Variants in RIMS1 observed in about 807,000 individuals in gnomAD.
The protein encoded by RIMS1 is regulating synaptic membrane exocytosis 1.
In RIMS1, 83 loss-of-function variants were observed where a neutral mutation model predicts 214.1. That is an observed-to-expected ratio of 0.39 (90% confidence interval 0.32 to 0.47). The LOEUF is 0.47. Ranked by LOEUF, RIMS1 falls within the 20% of genes least tolerant of loss-of-function variation. The pLI is 0.99. For synonymous variants in RIMS1, 793 were observed against 786.8 expected, an observed-to-expected ratio of 1.01 and a Z score of -0.13; for missense variants, 2,050 against 2,161.8, an observed-to-expected ratio of 0.95 and a Z score of 1.03.
At chr6:71,907,164 C>G (rs547385874) in intron 1 of RIMS1, among the ~76,000 whole-genome samples, 105 of 152,184 alleles carry the variant, frequency 6.9e-4, no homozygotes, top group Admixed American at 1.4e-3. Flanking sequence ...ATAGATTTAC[C>G]CTGCATTATG....
intron 2 of RIMS1, among the ~76,000 whole-genome samples, chr6:72,012,128 C>T (rs1810884325): frequency 6.6e-6 from 1 of 152,196 alleles, no homozygotes; most frequent in Non-Finnish European, 1.5e-5. Context: ...GGCACATATA[C>T]ACCATGGAAT....
chr6:72,367,086 A>G (rs1188728528), intron 29 of RIMS1, among the ~76,000 whole-genome samples: 1 of 152,242 alleles, frequency 6.6e-6, no homozygotes, highest in Middle Eastern at 3.2e-3. Context: ...TAATTAAAAA[A>G]TGATGTTGCA....
chr6:71,903,209 T>C (rs1235054097), intron 1 of RIMS1, among the ~76,000 whole-genome samples: 1 of 152,190 alleles, frequency 6.6e-6, no homozygotes, highest in Non-Finnish European at 1.5e-5. Context: ...GACTTTTCAA[T>C]AATCGCCATT....
chr6:71,903,443 G>T (rs967764860), intron 1 of RIMS1, among the ~76,000 whole-genome samples: 4 of 152,120 alleles, frequency 2.6e-5, no homozygotes, highest in East Asian at 1.9e-4. Context: ...ACAGGCATAG[G>T]CAAAGATTTC....
chr6:72,341,376 A>G lies in RIMS1; in HGVS notation c.4366+7541A>G, dbSNP rs139153902. Among the ~76,000 whole-genome samples, 4 of 151,928 alleles carry G rather than the reference A, an allele frequency of 2.6e-5. No homozygotes were observed. The East Asian group carries it at 5.9e-4, about 22-fold the overall frequency. ...AAATCTGTGTGGAATCTAAAACTAT[A>G]TGAAATACTTCTCTAATTCCAGTGG... On this transcript the variant is annotated intron_variant, in intron 29 of 33. Transcript: ENST00000521978.
chr6:72,368,476 A>G (rs886384465), intron 29 of RIMS1, among the ~76,000 whole-genome samples: 1 of 147,946 alleles, frequency 6.8e-6, no homozygotes, highest in African/African-American at 2.5e-5. Flanking sequence ...TTCTATTTTT[A>G]GTAGAGAAGG....
In RIMS1 at chr6:72,265,331, T is replaced by C. The variant is rs890667824; in HGVS notation, c.3195-59T>C. 6.8e-5 allele frequency: 66 copies of C among 968,018 alleles called. No individual in the cohort carries two copies. In the Admixed American group the frequency reaches 1.4e-3, roughly 21 times the overall value. The allele number at this position is 968,018 out of a possible 1,614,324, so 60.0% of individuals were successfully genotyped here. A position where few individuals can be genotyped will look rare whatever the true frequency, so the allele number is the denominator to read the frequency against. On this transcript the variant is annotated intron_variant, in intron 20 of 33. Coordinates refer to ENST00000521978, the MANE Select transcript of RIMS1 (RefSeq NM_014989.7). ...CTTTGTCATTTGTATATTGTTGTAC[T>C]TGTTGATTTTAATTATAATTTATTT...
intron 22 of RIMS1, among the ~76,000 whole-genome samples, chr6:72,270,576 A>C (rs1018047985): frequency 6.6e-6 from 1 of 152,188 alleles, no homozygotes; most frequent in African/African-American, 2.4e-5. Context: ...TTAATTTTCA[A>C]TATAAGTACT....
chr6:72,000,753 T>C (rs1804925274), intron 2 of RIMS1, among the ~76,000 whole-genome samples: 2 of 152,162 alleles, frequency 1.3e-5, no homozygotes, highest in Admixed American at 6.6e-5. Context: ...TCATCAGACT[T>C]CCTCAGCTTT....
At chr6:72,153,113 G>A (rs1358645902) in intron 4 of RIMS1, among the ~76,000 whole-genome samples, 1 of 143,738 alleles carries the variant, frequency 7.0e-6, no homozygotes, top group African/African-American at 2.5e-5. Context: ...GTATATATAT[G>A]GAATATATGT....
intron 2 of RIMS1, among the ~76,000 whole-genome samples, chr6:72,008,067 C>A (rs1044866517): frequency 6.6e-6 from 1 of 152,098 alleles, no homozygotes; most frequent in Non-Finnish European, 1.5e-5. Flanking sequence ...TAAGGGTTGC[C>A]AGAGAGAAAG....
chr6:72,268,611 A>G (rs898829282), intron 22 of RIMS1, among the ~76,000 whole-genome samples: 1 of 152,298 alleles, frequency 6.6e-6, no homozygotes. Context: ...AAAGAGCAGC[A>G]TTCTTTTCCT....
chr6:71,895,503 C>T (rs1242393554), intron 1 of RIMS1, among the ~76,000 whole-genome samples: 1 of 151,696 alleles, frequency 6.6e-6, no homozygotes, highest in Non-Finnish European at 1.5e-5. Flanking sequence ...GGCGAAACCC[C>T]ATCTCTACTA....
intron 1 of RIMS1, among the ~76,000 whole-genome samples, chr6:71,889,486 C>T (rs764575147): frequency 6.6e-6 from 1 of 152,198 alleles, no homozygotes; most frequent in Admixed American, 6.5e-5. Flanking sequence ...TGTTATACAA[C>T]AGCTCTCTAT....
chr6:71,890,591 A>AC (rs1769437222), intron 1 of RIMS1, among the ~76,000 whole-genome samples: 2 of 147,330 alleles, frequency 1.4e-5, no homozygotes, highest in Non-Finnish European at 3.0e-5. Flanking sequence ...AAAAAAAAAA[A>AC]AAAAAACTTC....
At chr6:72,062,861 T>A (rs989183454) in intron 2 of RIMS1, among the ~76,000 whole-genome samples, 4 of 152,112 alleles carry the variant, frequency 2.6e-5, no homozygotes, top group Admixed American at 2.6e-4. Context: ...ACAAGGCACA[T>A]CATCTTTCCT....
Position 72,121,412 on chromosome 6 carries a change from C to T in RIMS1, c.471+21426C>T, listed in dbSNP as rs573368403. 3.9e-5 allele frequency among the ~76,000 whole-genome samples: 6 copies of T among 151,972 alleles called. No homozygotes were observed. The East Asian group carries it at 9.6e-4, about 24-fold the overall frequency. On this transcript the variant is annotated intron_variant, in intron 4 of 33. Transcript: ENST00000521978. ...CCTAGGTGTTTTATTCTCTTTGAAA[C>T]AATTGTGAATGGGAGTTCACTCATG...
chr6:72,224,895 C>T (rs1202527588), intron 6 of RIMS1, among the ~76,000 whole-genome samples: 1 of 152,150 alleles, frequency 6.6e-6, no homozygotes, highest in Non-Finnish European at 1.5e-5. Flanking sequence ...ACCTGATTTC[C>T]TATAGCTGTA....
intron 2 of RIMS1, among the ~76,000 whole-genome samples, chr6:72,062,964 C>T (rs2152259567): frequency 6.6e-6 from 1 of 152,222 alleles, no homozygotes; most frequent in Non-Finnish European, 1.5e-5. Context: ...AACTTAATTA[C>T]TTTATAAGGA....
Sources: allele counts gnomAD v4.1 joint callset (sites outside exome capture counted in the v4.1 genomes callset), GRCh38; gene constraint gnomAD v4.1.1; transcripts MANE v1.5; gene names NCBI Gene and HGNC (gene_info 2026-07-23, HGNC 2026-07-21).